HGSNAT: variants seen among roughly 807,000 people sequenced by gnomAD.
HGSNAT encodes the protein heparan-alpha-glucosaminide N-acetyltransferase.
In HGSNAT, 59 loss-of-function variants were observed where a neutral mutation model predicts 85.2. The observed-to-expected ratio is 0.69, with a 90% CI of 0.56 to 0.86. The LOEUF is 0.86. Among genes scored for constraint, HGSNAT ranks in the 40% least tolerant of loss-of-function variants. The pLI, the probability that HGSNAT is intolerant of heterozygous loss-of-function variation, is 0.00. For synonymous variants in HGSNAT, 321 were observed against 304.5 expected (o/e 1.05, Z -0.56); for missense variants, 756 against 777.1 (o/e 0.97, Z 0.32).
rs1041515753 is a variant in HGSNAT at position 43,174,090 on chromosome 8, G to A, written c.851+347G>A. 2.3e-5 allele frequency: 4 copies of A among 172,926 alleles called. 1 individual carries two copies. In the South Asian group the frequency reaches 5.7e-4, roughly 25 times the overall value. The allele number at this position is 172,926 out of a possible 1,614,324, so 10.7% of individuals were successfully genotyped here. A position where few individuals can be genotyped will look rare whatever the true frequency, so the allele number is the denominator to read the frequency against. Reference sequence around the variant, plus strand: ...AAATTAGCTGGGTGCAGTGGCACGTGCCTGTAATCCCAGCTACTCGGGAGG... The same window carrying A: ...AAATTAGCTGGGTGCAGTGGCACGTACCTGTAATCCCAGCTACTCGGGAGG... On this transcript the variant is annotated intron_variant, in intron 9 of 17. Coordinates refer to ENST00000379644, the MANE Select transcript of HGSNAT (RefSeq NM_152419.3).
chr8:43,170,938 T>C (rs1803605459), intron 7 of HGSNAT, among the ~76,000 whole-genome samples: 1 of 152,178 alleles, frequency 6.6e-6, no homozygotes, highest in African/African-American at 2.4e-5. Flanking sequence ...CTTGGATACG[T>C]GGTCTGCTGA....
chr8:43,190,583 C>T (rs539593910), intron 11 of HGSNAT, among the ~76,000 whole-genome samples: 1 of 152,236 alleles, frequency 6.6e-6, no homozygotes, highest in South Asian at 2.1e-4. Flanking sequence ...TTCTGTGGGA[C>T]CTGAGGGTCC....
chr8:43,196,937 A>C lies in HGSNAT; in HGVS notation c.1465-11A>C. 1 of 1,555,924 alleles carries C rather than the reference A, an allele frequency of 6.4e-7. No individual in the cohort carries two copies. The highest frequency in any genetic ancestry group is 1.1e-5 in the South Asian group (1 of 89,602). On this transcript the variant is annotated splice_polypyrimidine_tract_variant and intron_variant, in intron 14 of 17. Coordinates refer to ENST00000379644, the MANE Select transcript of HGSNAT (RefSeq NM_152419.3). ...GCGATTCTTTTGGTCACACTGTGTT[A>C]TCTCCTCCAGGCAGGAAAAATACTA...
intron 17 of HGSNAT, among the ~76,000 whole-genome samples, chr8:43,198,428 C>T (rs970492168): frequency 5.3e-5 from 8 of 151,742 alleles, no homozygotes; most frequent in Admixed American, 2.6e-4. Flanking sequence ...GCTGGGACTA[C>T]AGGCGCCCGC....
Position 43,194,259 on chromosome 8 carries a change from C to G in HGSNAT, c.1464+416C>G, listed in dbSNP as rs867922890. On this transcript the variant is annotated intron_variant, in intron 14 of 17. Transcript: ENST00000379644. ...CAAGAAATTAAAAATATTAGCCAGG[C>G]ATGATGGCACACACCTGTAGTCCCA... The G allele has an allele frequency of 1.4e-5, 7 of 500,634 alleles. No individual in the cohort carries two copies. In the South Asian group the frequency reaches 3.7e-4, roughly 26 times the overall value. 31.0% of individuals were successfully genotyped at this position (500,634 alleles called of 1,614,324 possible). A position where few individuals can be genotyped will look rare whatever the true frequency, so the allele number is the denominator to read the frequency against.
At chr8:43,192,022 A>C (rs1804549801) in intron 12 of HGSNAT, among the ~76,000 whole-genome samples, 2 of 151,938 alleles carry the variant, frequency 1.3e-5, no homozygotes, top group Admixed American at 1.3e-4. Context: ...TGCGCCTCCC[A>C]GGTTCAAGCG....
At chr8:43,198,590 G>A (rs1804813296) in intron 17 of HGSNAT, among the ~76,000 whole-genome samples, 1 of 151,730 alleles carries the variant, frequency 6.6e-6, no homozygotes. Context: ...CCCAGCCTCT[G>A]GTTCTTAATA....
At position 43,173,833 on chromosome 8, in the gene HGSNAT, G is replaced by A. The variant is rs1229127416; in HGVS notation, c.851+90G>A. ...TGCTGGAGCCTCTCTTCTGAGACGGGCATGTGTTATGTGGTTAGGAAGTCC... is the reference window on the plus strand; with the variant it reads ...TGCTGGAGCCTCTCTTCTGAGACGGACATGTGTTATGTGGTTAGGAAGTCC... On this transcript the variant is annotated intron_variant, in intron 9 of 17. Transcript: ENST00000379644. 5.8e-6 allele frequency: 8 copies of A among 1,382,112 alleles called. No individual in the cohort carries two copies. In the East Asian group the frequency reaches 7.3e-5, roughly 13 times the overall value. The allele number at this position is 1,382,112 out of a possible 1,614,324, so 85.6% of individuals were successfully genotyped here. A position where few individuals can be genotyped will look rare whatever the true frequency, so the allele number is the denominator to read the frequency against.
At chr8:43,173,682 CT>C in intron 8 of HGSNAT, 30 bp from the exon 9 acceptor site, 1 of 1,610,800 alleles carries the variant, frequency 6.2e-7, no homozygotes, top group South Asian at 1.1e-5. Flanking sequence ...TTCTAGAGTC[CT>C]TTTGCTTATG....
At chr8:43,180,125 C>T (rs1385561747) in intron 10 of HGSNAT, among the ~76,000 whole-genome samples, 1 of 129,544 alleles carries the variant, frequency 7.7e-6, no homozygotes, top group African/African-American at 3.3e-5. Context: ...CCGCCTCCCT[C>T]CCGGATGGGG....
chr8:43,192,199 A>C (rs1374731482), intron 12 of HGSNAT, 105 bp from the exon 13 acceptor site: 38 of 1,314,438 alleles, frequency 2.9e-5, no homozygotes, highest in Non-Finnish European at 3.7e-5. Flanking sequence ...AAGTGTTGGG[A>C]TTACAGGCGT....
intron 4 of HGSNAT, 33 bp from the exon 5 acceptor site, chr8:43,161,405 T>G (rs1170157051): frequency 5.8e-6 from 9 of 1,559,494 alleles, no homozygotes; most frequent in East Asian, 4.5e-5. Flanking sequence ...ATGACATTTT[T>G]GGGGGCTAAT....
chr8:43,199,659 G>C lies in HGSNAT; in HGVS notation c.*90G>C. On this transcript the variant is annotated 3_prime_UTR_variant, in exon 18 of 18. Coordinates refer to ENST00000379644, the MANE Select transcript of HGSNAT (RefSeq NM_152419.3). ...TTTGTTAAAGGGAAGCATTCATTAG[G>C]AAATTGACTGGCTGCGTGTTTACAG... is the stretch of plus-strand genomic sequence containing the variant. 1 of 999,016 alleles carries C rather than the reference G, an allele frequency of 1.0e-6. No individual in the cohort carries two copies. Among genetic ancestry groups the C allele is most frequent in the East Asian group, 2.7e-5 (1 of 37,002 alleles). The allele number at this position is 999,016 out of a possible 1,614,324, so 61.9% of individuals were successfully genotyped here. A position where few individuals can be genotyped will look rare whatever the true frequency, so the allele number is the denominator to read the frequency against.
At chr8:43,141,796 C>T (rs1230250550) in intron 1 of HGSNAT, among the ~76,000 whole-genome samples, 1 of 152,152 alleles carries the variant, frequency 6.6e-6, no homozygotes, top group Non-Finnish European at 1.5e-5. Context: ...TTTAAAATTG[C>T]AAGGACCCCG....
intron 5 of HGSNAT, among the ~76,000 whole-genome samples, chr8:43,165,143 A>G (rs571402679): frequency 2.3e-4 from 35 of 149,776 alleles, no homozygotes; most frequent in Non-Finnish European, 4.4e-5. Flanking sequence ...TTTTTCCAAC[A>G]GCATGTGCTC....
chr8:43,147,215 CAG>C (rs1468283382), intron 2 of HGSNAT, among the ~76,000 whole-genome samples, 152 bp downstream of exon 2: 1 of 152,164 alleles, frequency 6.6e-6, no homozygotes, highest in Non-Finnish European at 1.5e-5. Context: ...GAAATACAGT[CAG>C]GGGAGGATGC....
chr8:43,186,705 C>T (rs1791094811), intron 11 of HGSNAT, among the ~76,000 whole-genome samples: 1 of 152,072 alleles, frequency 6.6e-6, no homozygotes, highest in Admixed American at 6.6e-5. Context: ...TTTGCTCTTG[C>T]TTCTCTAGTT....
rs1403504677 is a variant in HGSNAT, at chr8:43,169,217, G to A, written c.608G>A (p.Arg203Gln). The A allele has an allele frequency of 5.7e-6, 9 of 1,585,312 alleles. No homozygotes were observed. The highest frequency in any genetic ancestry group is 2.7e-5 in the African/African-American group (2 of 74,516). The part of the protein sequence containing the change: ...NNWISKAISS[R>Q]ETDRLINSEL... The stretch of plus-strand genomic sequence containing the variant: ...TGGATTTCTAAAGCCATAAGTTCTC[G>A]AGAAACTGATCGCCTCATCAATTCT... The change falls in exon 6 of 18, where the codon CGA becomes CAA. Residue 203 changes from arginine to glutamine, a missense_variant. Physicochemically the swap from Arg to Gln is conservative, Grantham distance 43. Coordinates refer to ENST00000379644, the MANE Select transcript of HGSNAT (RefSeq NM_152419.3).
chr8:43,178,643 A>G (rs1389924168), intron 10 of HGSNAT, among the ~76,000 whole-genome samples: 1 of 117,392 alleles, frequency 8.5e-6, no homozygotes, highest in Non-Finnish European at 1.7e-5. Context: ...TTTATTGATC[A>G]TTCTTGGGTG....
Sources: gnomAD v4.1 joint callset for allele counts (sites outside exome capture counted in the v4.1 genomes callset) on GRCh38, gnomAD v4.1.1 for gene constraint, MANE v1.5 for transcripts, NCBI Gene and HGNC (gene_info 2026-07-23, HGNC 2026-07-21) for gene names.